ESR2: variants seen among roughly 807,000 people sequenced by gnomAD.
ESR2 encodes the protein estrogen receptor beta.
Under a neutral mutation model 49.6 loss-of-function variants are expected in ESR2, and 36 were observed. The observed-to-expected ratio is 0.73, with a 90% CI of 0.56 to 0.96. The LOEUF (loss-of-function observed/expected upper bound fraction) is 0.96, where lower values mean the gene tolerates loss of function less well. ESR2 is among the 40% of genes least tolerant of loss of function. The pLI is 0.00. For synonymous variants in ESR2, 320 were observed against 266.1 expected, an observed-to-expected ratio of 1.20 and a Z score of -1.97; for missense variants, 714 against 693.0, an observed-to-expected ratio of 1.03 and a Z score of -0.34.
intron 1 of ESR2, chr14:64,336,213 C>A (rs2077530517): frequency 6.6e-6 from 1 of 151,944 alleles, no homozygotes; most frequent in Non-Finnish European, 1.5e-5. Flanking sequence ...TATTTGTGTG[C>A]ACATATTAAT....
At chr14:64,324,578 T>C (rs529420509) in intron 1 of ESR2, among the ~76,000 whole-genome samples, 1 of 152,344 alleles carries the variant, frequency 6.6e-6, no homozygotes, top group African/African-American at 2.4e-5. Flanking sequence ...CAAGGATCTT[T>C]TGTTGTTCCC....
At chr14:64,235,330 C>G (rs1017736821) in intron 7 of ESR2, among the ~76,000 whole-genome samples, 180 bp from the exon 8 acceptor site, 3 of 152,220 alleles carry the variant, frequency 2.0e-5, no homozygotes, top group Non-Finnish European at 4.4e-5. Flanking sequence ...GAGCCAGCCC[C>G]GTCACAGAGC....
In ESR2 at chr14:64,284,872, C is replaced by T. The variant is rs536181706; in HGVS notation, c.-90-1797G>A. On this transcript the variant is annotated intron_variant, in intron 1 of 8. Coordinates refer to ENST00000341099, the MANE Select transcript of ESR2 (RefSeq NM_001437.3). ...TTACTTTTTTTTTTTTTTTTTGAGACGGAGTCTCGCACTGTCACCCAGGCT... is the reference window on the plus strand; with the variant it reads ...TTACTTTTTTTTTTTTTTTTTGAGATGGAGTCTCGCACTGTCACCCAGGCT... Among the ~76,000 whole-genome samples the T allele has an allele frequency of 3.0e-4, 42 of 142,174 alleles. No homozygotes were observed. In the East Asian group the frequency reaches 6.4e-3, roughly 22 times the overall value. 93.3% of individuals were successfully genotyped at this position (142,174 alleles called of 152,430 possible).
chr14:64,237,833 TAG>T (rs915795521), intron 7 of ESR2, among the ~76,000 whole-genome samples: 29 of 152,244 alleles, frequency 1.9e-4, no homozygotes, highest in African/African-American at 6.5e-4. Flanking sequence ...GGCAAATCCA[TAG>T]AGTCAGAAAA....
In ESR2 at chr14:64,228,317, T is replaced by C. The variant is rs912386310; in HGVS notation, c.*4820A>G. ...TTACACTCAACCCCCAACAAATACA[T>C]TTTTAAAGCCAAAATAATGAAACAC... On this transcript the variant is annotated 3_prime_UTR_variant, in exon 9 of 9. Transcript: ENST00000341099. Among the ~76,000 whole-genome samples, 1 of 152,214 alleles carries C rather than the reference T, an allele frequency of 6.6e-6. No homozygotes were observed. Among genetic ancestry groups the C allele is most frequent in the African/African-American group, 2.4e-5 (1 of 41,448 alleles).
intron 3 of ESR2, among the ~76,000 whole-genome samples, 189 bp from the exon 4 acceptor site, chr14:64,269,100 C>T (rs919427164): frequency 1.3e-5 from 2 of 152,188 alleles, no homozygotes; most frequent in South Asian, 2.1e-4. Context: ...GACCTAGGAA[C>T]ATTTCAATAT....
chr14:64,306,486 A>C (rs1285075540), intron 1 of ESR2, among the ~76,000 whole-genome samples: 1 of 152,192 alleles, frequency 6.6e-6, no homozygotes, highest in East Asian at 1.9e-4. Context: ...TAGTTTGCTG[A>C]GTTTTTATTA....
chr14:64,260,663 C>G lies in ESR2; in HGVS notation c.738G>C (p.Lys246Asn). 2 of 1,601,500 alleles carry G rather than the reference C, an allele frequency of 1.2e-6. No individual in the cohort carries two copies. Among genetic ancestry groups the G allele is most frequent in the Non-Finnish European group, 1.7e-6 (2 of 1,173,470 alleles). ...CTCGGGGCGCGTGGCCGCCACTTCTCTTGGCCTTGCCGGCACAGTGCAGCT... is the reference window on the plus strand; with the variant it reads ...CTCGGGGCGCGTGGCCGCCACTTCTGTTGGCCTTGCCGGCACAGTGCAGCT... ...DEQLHCAGKA[K>N]RSGGHAPRVR... The change falls in exon 5 of 9, where the codon AAG becomes AAC. Residue 246 changes from lysine (K) to asparagine (N), a missense_variant. Transcript: ENST00000341099.
intron 8 of ESR2, chr14:64,234,744 C>A (rs185038899): frequency 5.1e-6 from 5 of 972,718 alleles, no homozygotes; most frequent in Non-Finnish European, 7.3e-6. Context: ...AACCCATGAG[C>A]CACCACTGGC....
At position 64,230,588 on chromosome 14, in the gene ESR2, G is replaced by C. The variant is rs949922520; in HGVS notation, c.*2549C>G. 1.1e-4 allele frequency among the ~76,000 whole-genome samples: 17 copies of C among 151,968 alleles called. No individual in the cohort carries two copies. The highest frequency in any genetic ancestry group is 2.5e-4 in the Non-Finnish European group (17 of 67,986). ...GTGACTAGGCTGACAGCTTTGTCTT[G>C]TGTTCCCGCCTTAATTTTTTGAGAA... On this transcript the variant is annotated 3_prime_UTR_variant, in exon 9 of 9. Transcript: ENST00000341099.
At chr14:64,307,294 C>A (rs1026915441) in intron 1 of ESR2, among the ~76,000 whole-genome samples, 14 of 151,932 alleles carry the variant, frequency 9.2e-5, no homozygotes, top group African/African-American at 3.4e-4. Context: ...TCACTGCAAC[C>A]TCTGCCTCCT....
At position 64,265,584 on chromosome 14, in the gene ESR2, A is replaced by G. The variant is rs114960802; in HGVS notation, c.652+3211T>C. 2.9e-3 allele frequency among the ~76,000 whole-genome samples: 440 copies of G among 152,368 alleles called. 5 individuals are homozygous for G. The highest frequency in any genetic ancestry group is 0.01 in the African/African-American group (428 of 41,600). On this transcript the variant is annotated intron_variant, in intron 4 of 8. Transcript: ENST00000341099. ...GAGTATACAGCAGGTATATAAAGAT[A>G]TGGCACCCAAAATATGTTGAGCTAT...
chr14:64,233,610 CTG>C (rs1398485092), intron 8 of ESR2: 1 of 367,778 alleles, frequency 2.7e-6, no homozygotes, highest in East Asian at 4.5e-5. Flanking sequence ...CGTAAAGTCA[CTG>C]TGAACACTGA....
At chr14:64,317,482 A>G (rs2077270412) in intron 1 of ESR2, among the ~76,000 whole-genome samples, 1 of 152,118 alleles carries the variant, frequency 6.6e-6, no homozygotes, top group African/African-American at 2.4e-5. Context: ...CAAGATAGAG[A>G]GACAGGGAGG....
intron 1 of ESR2, among the ~76,000 whole-genome samples, chr14:64,334,675 T>G (rs990304281): frequency 2.0e-5 from 3 of 152,228 alleles, no homozygotes; most frequent in Non-Finnish European, 4.4e-5. Flanking sequence ...TTTGAGACAT[T>G]TGCTCTTGTT....
intron 1 of ESR2, among the ~76,000 whole-genome samples, chr14:64,335,384 T>C (rs2077516498): frequency 6.6e-6 from 1 of 152,136 alleles, no homozygotes; most frequent in Non-Finnish European, 1.5e-5. Flanking sequence ...AAAACAGACA[T>C]TCATATCTCA....
rs766405281 is a variant in ESR2 at position 64,268,876 on chromosome 14, A to T, written c.571T>A (p.Cys191Ser). Reference protein sequence around the residue: ...NDYICPATNQCTIDKNRRKSC... With the variant: ...NDYICPATNQSTIDKNRRKSC... ...TTGCGCCGGTTTTTATCGATTGTAC[A>T]CTGATTTGTAGCTGGACAAATATAA... Residue 191 changes from cysteine to serine, a missense_variant, in exon 4 of 9, where the codon TGT becomes AGT. Cys to Ser is a moderately radical substitution (Grantham distance 112). Transcript: ENST00000341099. 6.2e-7 allele frequency: 1 copy of T among 1,613,138 alleles called. No homozygotes were observed. The highest frequency in any genetic ancestry group is 1.7e-5 in the Admixed American group (1 of 60,010).
intron 4 of ESR2, among the ~76,000 whole-genome samples, chr14:64,264,843 C>T (rs1391867467): frequency 6.7e-6 from 1 of 148,874 alleles, no homozygotes; most frequent in East Asian, 2.0e-4. Context: ...CACTGCACTC[C>T]AGCCTGGGCT....
intron 4 of ESR2, among the ~76,000 whole-genome samples, chr14:64,262,271 C>T (rs2076239575): frequency 6.6e-6 from 1 of 152,044 alleles, no homozygotes. Context: ...TGCACCACCA[C>T]ATCTGACTAA....
Sources: gnomAD v4.1 joint callset for allele counts (sites outside exome capture counted in the v4.1 genomes callset) on GRCh38, gnomAD v4.1.1 for gene constraint, MANE v1.5 for transcripts, NCBI Gene and HGNC (gene_info 2026-07-23, HGNC 2026-07-21) for gene names.